Variants in INPP4B observed in about 807,000 individuals in gnomAD.
INPP4B encodes inositol polyphosphate 4-phosphatase type II.
Under a neutral mutation model 122.5 loss-of-function variants are expected in INPP4B, and 55 were observed. The observed-to-expected ratio is 0.45, with a 90% CI of 0.36 to 0.56. The LOEUF is 0.56. Ranked by LOEUF, INPP4B falls within the 20% of genes least tolerant of loss-of-function variation. INPP4B has a pLI of 0.00. For missense variants in INPP4B, 1,000 were observed against 1,097.7 expected (o/e 0.91, Z 1.26); for synonymous variants, 403 against 388.7 (o/e 1.04, Z -0.43).
In INPP4B at chr4:142,054,006, C is replaced by A. The variant is rs148575428; in HGVS notation, c.2643-25092G>T. ...GCAATTCTTAGGACACTGGGGAGAT[C>A]TGCTCTGTTTTTTATTTTATAATTC... On this transcript the variant is annotated intron_variant, in intron 25 of 25. Transcript: ENST00000262992. Among the ~76,000 whole-genome samples, 185 of 134,418 alleles carry A rather than the reference C, an allele frequency of 1.4e-3. 2 individuals carry two copies. Among genetic ancestry groups the A allele is most frequent in the African/African-American group, 5.0e-3 (179 of 36,146 alleles). The allele number at this position is 134,418 out of a possible 152,430, so 88.2% of individuals were successfully genotyped here.
intron 2 of INPP4B, among the ~76,000 whole-genome samples, chr4:142,626,978 A>T (rs1366547188): frequency 6.6e-6 from 1 of 152,054 alleles, no homozygotes; most frequent in Admixed American, 6.6e-5. Flanking sequence ...GTATGATTAA[A>T]GGATCCTGCT....
At chr4:142,296,710 G>A (rs1418856941) in intron 9 of INPP4B, among the ~76,000 whole-genome samples, 1 of 152,174 alleles carries the variant, frequency 6.6e-6, no homozygotes, top group East Asian at 1.9e-4. Flanking sequence ...CAGGATTTGG[G>A]CACAGATATG....
intron 7 of INPP4B, among the ~76,000 whole-genome samples, chr4:142,337,051 A>G (rs541446450): frequency 6.6e-6 from 1 of 152,186 alleles, no homozygotes; most frequent in East Asian, 1.9e-4. Context: ...TCTACATTTC[A>G]ACTTTATGTA....
intron 1 of INPP4B, among the ~76,000 whole-genome samples, chr4:142,766,406 C>T (rs951310074): frequency 6.6e-6 from 1 of 151,312 alleles, no homozygotes; most frequent in Admixed American, 6.6e-5. Flanking sequence ...GAGATGGAGT[C>T]TCATTCACTC....
intron 17 of INPP4B, among the ~76,000 whole-genome samples, chr4:142,157,644 C>T (rs942817796): frequency 2.6e-5 from 4 of 152,026 alleles, no homozygotes; most frequent in Non-Finnish European, 5.9e-5. Flanking sequence ...AGCTTTTCAT[C>T]AACTGGAGAA....
At chr4:142,757,254 A>G (rs1770641773) in intron 1 of INPP4B, among the ~76,000 whole-genome samples, 1 of 152,148 alleles carries the variant, frequency 6.6e-6, no homozygotes, top group Non-Finnish European at 1.5e-5. Flanking sequence ...TCAAAGTGGT[A>G]TATTTTTTAC....
intron 1 of INPP4B, among the ~76,000 whole-genome samples, chr4:142,825,146 C>T (rs1297058743): frequency 1.3e-5 from 2 of 152,080 alleles, no homozygotes; most frequent in Non-Finnish European, 2.9e-5. Context: ...TTTGTGAACA[C>T]AATAGGCTAT....
chr4:142,267,133 C>T (rs1044313232), intron 10 of INPP4B, among the ~76,000 whole-genome samples: 5 of 152,036 alleles, frequency 3.3e-5, no homozygotes, highest in Non-Finnish European at 5.9e-5. Context: ...TCTATACTAC[C>T]CAAAGCAATA....
intron 2 of INPP4B, among the ~76,000 whole-genome samples, chr4:142,551,081 C>T (rs1727876557): frequency 6.6e-6 from 1 of 152,148 alleles, no homozygotes; most frequent in Non-Finnish European, 1.5e-5. Flanking sequence ...AAAGAGGAGG[C>T]GACTCTGCCC....
At chr4:142,512,728 A>G (rs1180649473) in intron 2 of INPP4B, among the ~76,000 whole-genome samples, 2 of 152,204 alleles carry the variant, frequency 1.3e-5, no homozygotes, top group Non-Finnish European at 2.9e-5. Flanking sequence ...CAGAGCCTCT[A>G]ATGTGCAACT....
intron 2 of INPP4B, among the ~76,000 whole-genome samples, chr4:142,566,536 T>C (rs1261235452): frequency 6.6e-6 from 1 of 152,120 alleles, no homozygotes; most frequent in Non-Finnish European, 1.5e-5. Context: ...TTGAAGGTAT[T>C]ATTGAGATAT....
intron 11 of INPP4B, among the ~76,000 whole-genome samples, chr4:142,244,737 T>C (rs1294380124): frequency 1.3e-5 from 2 of 152,200 alleles, no homozygotes; most frequent in Non-Finnish European, 1.5e-5. Context: ...CCTTTGGGTA[T>C]ATACTCAATA....
chr4:142,461,879 C>G (rs941244439), intron 3 of INPP4B, among the ~76,000 whole-genome samples: 2 of 151,788 alleles, frequency 1.3e-5, no homozygotes, highest in African/African-American at 4.8e-5. Context: ...ATTCAGGGGA[C>G]CAGGAGAGAA....
rs1739372339 is a variant in INPP4B, at chr4:142,260,489, T to C, written c.688+3A>G. The C allele has an allele frequency of 1.3e-6, 2 of 1,575,944 alleles. No individual in the cohort carries two copies. The highest frequency in any genetic ancestry group is 8.7e-7 in the Non-Finnish European group (1 of 1,146,996). ...ACTAAGTATTTAAAACTGAGTTACA[T>C]ACCTGAATTCAAAAAAGGTAAGTTA... On this transcript the variant is annotated splice_donor_region_variant and intron_variant, in intron 11 of 25. Coordinates refer to ENST00000262992, the MANE Select transcript of INPP4B (RefSeq NM_001101669.3).
intron 2 of INPP4B, among the ~76,000 whole-genome samples, chr4:142,610,839 C>A (rs1742332392): frequency 6.6e-6 from 1 of 152,084 alleles, no homozygotes; most frequent in Non-Finnish European, 1.5e-5. Context: ...CCAATGGAAG[C>A]ATCATTTTTT....
intron 14 of INPP4B, among the ~76,000 whole-genome samples, chr4:142,198,058 T>A (rs1839098037): frequency 6.6e-6 from 1 of 152,118 alleles, no homozygotes; most frequent in Non-Finnish European, 1.5e-5. Flanking sequence ...AAATAGAGAT[T>A]TTTTGTGATC....
intron 16 of INPP4B, among the ~76,000 whole-genome samples, chr4:142,166,818 G>C (rs562281541): frequency 7.2e-5 from 11 of 151,890 alleles, no homozygotes; most frequent in Admixed American, 7.2e-4. Flanking sequence ...TTAGAGAAAT[G>C]CAAGTCAAAA....
At chr4:142,792,672 C>T (rs1776719848) in intron 1 of INPP4B, among the ~76,000 whole-genome samples, 1 of 151,926 alleles carries the variant, frequency 6.6e-6, no homozygotes, top group South Asian at 2.1e-4. Flanking sequence ...TGGAAAATGT[C>T]CTGAGAGTCT....
intron 7 of INPP4B, among the ~76,000 whole-genome samples, chr4:142,398,402 ATAT>A (rs1432910512): frequency 6.0e-3 from 38 of 6,376 alleles, no homozygotes; most frequent in African/African-American, 9.1e-3. Flanking sequence ...AAAAAAAAAA[ATAT>A]ATATATATAT....
Sources: gnomAD v4.1 joint callset for allele counts (sites outside exome capture counted in the v4.1 genomes callset) on GRCh38, gnomAD v4.1.1 for gene constraint, MANE v1.5 for transcripts, NCBI Gene and HGNC (gene_info 2026-07-23, HGNC 2026-07-21) for gene names.